Variants in TRIM25 observed in about 807,000 individuals in gnomAD.
The protein encoded by TRIM25 is tripartite motif containing 25, also known as E3 ubiquitin/ISG15 ligase TRIM25.
A neutral mutation model predicts 65.2 loss-of-function variants in TRIM25; 45 were observed. That is an observed-to-expected ratio of 0.69 (90% CI 0.54 to 0.89). TRIM25 has a LOEUF of 0.89. Ranked by LOEUF, TRIM25 falls within the 40% of genes least tolerant of loss-of-function variation. The pLI, the probability that TRIM25 is intolerant of heterozygous loss-of-function variation, is 0.00. For synonymous variants in TRIM25, 321 were observed against 340.4 expected, an observed-to-expected ratio of 0.94 and a Z score of 0.63; for missense variants, 714 against 803.7, an observed-to-expected ratio of 0.89 and a Z score of 1.35.
chr17:56,913,934 G>C lies in TRIM25; in HGVS notation c.55C>G (p.Pro19Ala), dbSNP rs754088845. 2.5e-6 allele frequency: 4 copies of C among 1,585,688 alleles called. No homozygotes were observed. Among genetic ancestry groups the C allele is most frequent in the Non-Finnish European group, 1.7e-6 (2 of 1,166,690 alleles). The change falls in exon 1 of 9, where the codon CCC becomes GCC. Residue 19 changes from proline to alanine, a missense_variant. By Grantham distance (27) the Pro-to-Ala change is conservative (BLOSUM62 -1). This residue lies in a region of TRIM25 where 291 missense variants were observed against 281.8 expected (regional missense o/e 1.03). Coordinates refer to ENST00000316881, the MANE Select transcript of TRIM25 (RefSeq NM_005082.5). This position sits in a 1 kb window ranked among gnomAD's most constrained non-coding sequence, Gnocchi z 6.1. ...EELSCSICLEPFKEPVTTPCG... is the reference protein window; with the variant it reads ...EELSCSICLEAFKEPVTTPCG... ...GGAGTGGTGACCGGCTCCTTGAAGGGCTCCAGGCAGATGGAGCACGACAGC... is the reference window on the plus strand; with the variant it reads ...GGAGTGGTGACCGGCTCCTTGAAGGCCTCCAGGCAGATGGAGCACGACAGC...
intron 3 of TRIM25, among the ~76,000 whole-genome samples, chr17:56,903,714 T>C (rs1463142969): frequency 1.3e-5 from 2 of 152,166 alleles, no homozygotes; most frequent in East Asian, 1.9e-4. Context: ...CTCAAATCAA[T>C]TGATTTTGAG....
intron 5 of TRIM25, among the ~76,000 whole-genome samples, chr17:56,898,330 T>C (rs1476532000): frequency 6.6e-6 from 1 of 152,148 alleles, no homozygotes; most frequent in Non-Finnish European, 1.5e-5. Context: ...TATATGGACA[T>C]CTCAGTGGTA....
chr17:56,891,020 C>T lies in TRIM25; in HGVS notation c.*680G>A, dbSNP rs997701280. Reference sequence around the variant, plus strand: ...GGCTGATTCCAATCATGGTTTGAAGCTTTAGCTGAAAAGTTTGCTGTTTGA... The same window carrying T: ...GGCTGATTCCAATCATGGTTTGAAGTTTTAGCTGAAAAGTTTGCTGTTTGA... On this transcript the variant is annotated 3_prime_UTR_variant, in exon 9 of 9. Transcript: ENST00000316881. The T allele has an allele frequency of 4.8e-6, 2 of 416,252 alleles. No individual in the cohort carries two copies. Among genetic ancestry groups the T allele is most frequent in the African/African-American group, 2.1e-5 (1 of 48,708 alleles). The allele number at this position is 416,252 out of a possible 1,614,324, so 25.8% of individuals were successfully genotyped here.
Position 56,908,535 on chromosome 17 carries a change from A to G in TRIM25, c.626T>C (p.Met209Thr), listed in dbSNP as rs759699144. 15 of 1,613,904 alleles carry G rather than the reference A, an allele frequency of 9.3e-6. No individual in the cohort carries two copies. In the Admixed American group the frequency reaches 1.7e-4, roughly 18 times the overall value. ...EATLRHKLTV[M>T]YSQINGASRA... ...CGACGCCCCGTTGATCTGACTGTACATGACAGTTAGTTTGTGCCTCAGGGT... is the reference window on the plus strand; with the variant it reads ...CGACGCCCCGTTGATCTGACTGTACGTGACAGTTAGTTTGTGCCTCAGGGT... Residue 209 changes from methionine to threonine, a missense_variant, in exon 2 of 9, where the codon ATG becomes ACG. Met to Thr is a moderately conservative substitution (Grantham distance 81). Around this residue, in one of 3 missense-constraint regions of TRIM25, gnomAD observed 291 missense variants for 281.8 expected, o/e 1.03. Transcript: ENST00000316881.
intron 2 of TRIM25, among the ~76,000 whole-genome samples, chr17:56,906,456 CAGTAG>C (rs543880851): frequency 1.2e-4 from 18 of 152,036 alleles, no homozygotes; most frequent in Middle Eastern, 3.4e-3. Flanking sequence ...ACAAGAAGGA[CAGTAG>C]ACTGGAAAAG....
chr17:56,889,406 G>A lies in TRIM25; in HGVS notation c.*2294C>T. On this transcript the variant is annotated 3_prime_UTR_variant, in exon 9 of 9. Transcript: ENST00000316881. ...ATCCTCTACTTTCTCATCATATTCT[G>A]CAAAATGAGAAGTCAGATGGATACA... is the stretch of plus-strand genomic sequence containing the variant. The A allele has an allele frequency of 4.9e-6, 1 of 204,802 alleles. No individual in the cohort carries two copies. The highest frequency in any genetic ancestry group is 9.7e-6 in the Non-Finnish European group (1 of 102,962). The allele number at this position is 204,802 out of a possible 1,614,324, so 12.7% of individuals were successfully genotyped here. A position where few individuals can be genotyped will look rare whatever the true frequency, so the allele number is the denominator to read the frequency against.
Position 56,913,700 on chromosome 17 carries a change from A to G in TRIM25, c.289T>C (p.Ser97Pro). ...ADVWTPPARA[S>P]APSPNAQVAC... ...ACCTGGGCATTCGGGCTGGGTGCAG[A>G]GGCGCGGGCGGGCGGCGTCCAGACG... The change falls in exon 1 of 9, where the codon TCT becomes CCT. Residue 97 changes from serine (S) to proline (P), a missense_variant. Physicochemically the swap from Ser to Pro is moderately conservative, Grantham distance 74. Coordinates refer to ENST00000316881, the MANE Select transcript of TRIM25 (RefSeq NM_005082.5). This position sits in a 1 kb window ranked among gnomAD's most constrained non-coding sequence, Gnocchi z 6.1. 6.3e-7 allele frequency: 1 copy of G among 1,579,908 alleles called. No individual in the cohort carries two copies. Among genetic ancestry groups the G allele is most frequent in the South Asian group, 1.1e-5 (1 of 87,000 alleles).
intron 2 of TRIM25, among the ~76,000 whole-genome samples, chr17:56,906,576 C>T (rs1598078090): frequency 6.6e-6 from 1 of 152,300 alleles, no homozygotes; most frequent in East Asian, 1.9e-4. Flanking sequence ...TCACTGCAAC[C>T]TCTGCCTCCC....
Position 56,892,249 on chromosome 17 carries a change from A to G in TRIM25, c.1364-20T>C, listed in dbSNP as rs764066000. 6.6e-5 allele frequency: 103 copies of G among 1,569,972 alleles called. No individual in the cohort carries two copies. In the Admixed American group the frequency reaches 1.8e-3, roughly 28 times the overall value. ...TGTAATCTGAGAAAACATCACCCCA[A>G]GGAATTAATTACAAGGGGCCCAAAG... On this transcript the variant is annotated intron_variant, in intron 8 of 8. Coordinates refer to ENST00000316881, the MANE Select transcript of TRIM25 (RefSeq NM_005082.5).
Position 56,904,403 on chromosome 17 carries a change from G to C in TRIM25, c.779C>G (p.Thr260Arg). The part of the protein sequence containing the change: ...ALLDASETTS[T>R]RKIKEEEKRV... ...CTTCTCCTCTTCCTTTATCTTCCTT[G>C]TCGAGGTGGTCTCTGAGGCGTCCAA... The change falls in exon 3 of 9, where the codon ACA becomes AGA. Residue 260 changes from threonine to arginine, a missense_variant. By Grantham distance (71) the Thr-to-Arg change is moderately conservative. Around this residue, in one of 3 missense-constraint regions of TRIM25, gnomAD observed 413 missense variants for 498.2 expected, o/e 0.83. Transcript: ENST00000316881. The C allele has an allele frequency of 6.2e-7, 1 of 1,614,014 alleles. No homozygotes were observed. The highest frequency in any genetic ancestry group is 8.5e-7 in the Non-Finnish European group (1 of 1,180,024).
intron 1 of TRIM25, chr17:56,912,056 G>C (rs1206713000): frequency 3.3e-5 from 5 of 152,102 alleles, no homozygotes; most frequent in South Asian, 2.1e-4. Flanking sequence ...GAAAAAAAAA[G>C]CCAAGTTTAT....
At position 56,888,931 on chromosome 17, in the gene TRIM25, C is replaced by T. The variant is rs184745683; in HGVS notation, c.*2769G>A. The T allele has an allele frequency of 8.5e-5, 13 of 152,260 alleles. No individual in the cohort carries two copies. The East Asian group carries it at 1.5e-3, about 18-fold the overall frequency. The allele number at this position is 152,260 out of a possible 1,614,324, so 9.4% of individuals were successfully genotyped here. A position where few individuals can be genotyped will look rare whatever the true frequency, so the allele number is the denominator to read the frequency against. ...TACAATGCAGGAGAACGCCAAACAC[C>T]GCTTTATTGCATTCAAACCTTCTAA... is the stretch of plus-strand genomic sequence containing the variant. On this transcript the variant is annotated 3_prime_UTR_variant, in exon 9 of 9. Coordinates refer to ENST00000316881, the MANE Select transcript of TRIM25 (RefSeq NM_005082.5).
intron 2 of TRIM25, among the ~76,000 whole-genome samples, chr17:56,906,829 G>A (rs749396583): frequency 6.6e-6 from 1 of 152,174 alleles, no homozygotes; most frequent in African/African-American, 2.4e-5. Context: ...AACTTCTAAT[G>A]TGACTACAAG....
chr17:56,906,562 C>T lies in TRIM25; in HGVS notation c.693+1906G>A, dbSNP rs990410776. The stretch of plus-strand genomic sequence containing the variant: ...AGGCTGAAGTGCAATGACATGACCT[C>T]GGCTCACTGCAACCTCTGCCTCCCG... On this transcript the variant is annotated intron_variant, in intron 2 of 8. Transcript: ENST00000316881. Among the ~76,000 whole-genome samples the T allele has an allele frequency of 1.1e-4, 17 of 151,940 alleles. 1 individual carries two copies. Among genetic ancestry groups the T allele is most frequent in the Admixed American group, 9.2e-4 (14 of 15,244 alleles).
rs1298881951 is a variant in TRIM25 at position 56,888,282 on chromosome 17, G to A, written c.*3418C>T. On this transcript the variant is annotated 3_prime_UTR_variant, in exon 9 of 9. Transcript: ENST00000316881. The stretch of plus-strand genomic sequence containing the variant: ...ATCCCACCTTTTAGCATAAGCTCAG[G>A]TGTGATCCCATGGCCTCACAAATAA... 1 of 152,202 alleles carries A rather than the reference G, an allele frequency of 6.6e-6. No individual in the cohort carries two copies. Among genetic ancestry groups the A allele is most frequent in the Admixed American group, 6.5e-5 (1 of 15,274 alleles). The allele number at this position is 152,202 out of a possible 1,614,324, so 9.4% of individuals were successfully genotyped here.
chr17:56,891,872 G>T lies in TRIM25; in HGVS notation c.1721C>A (p.Ala574Asp). ...NVEKTLPSTK[A>D]TRVGVLLNCD... ...GTTGAGAAGCACGCCCACCCGCGTG[G>T]CCTTGGTGGAGGGCAGGGTTTTCTC... Residue 574 changes from alanine (A) to aspartate (D), a missense_variant, in exon 9 of 9, where the codon GCC becomes GAC. Physicochemically the swap from Ala to Asp is moderately radical, Grantham distance 126. This residue lies in a region of TRIM25 where 413 missense variants were observed against 498.2 expected (regional missense o/e 0.83). Transcript: ENST00000316881. The T allele has an allele frequency of 6.2e-7, 1 of 1,614,242 alleles. No homozygotes were observed. The highest frequency in any genetic ancestry group is 8.5e-7 in the Non-Finnish European group (1 of 1,180,046).
At chr17:56,903,400 A>C (rs912224121) in intron 3 of TRIM25, among the ~76,000 whole-genome samples, 2 of 152,250 alleles carry the variant, frequency 1.3e-5, no homozygotes, top group African/African-American at 2.4e-5. Flanking sequence ...CTCCATCTCA[A>C]AATAAATACA....
chr17:56,913,666 T>C lies in TRIM25; in HGVS notation c.323A>G (p.Asp108Gly). 1 of 1,594,996 alleles carries C rather than the reference T, an allele frequency of 6.3e-7. No homozygotes were observed. Among genetic ancestry groups the C allele is most frequent in the Non-Finnish European group, 8.5e-7 (1 of 1,169,628 alleles). The change falls in exon 1 of 9, where the codon GAC becomes GGC. Residue 108 changes from aspartate (D) to glycine (G), a missense_variant. Asp to Gly is a moderately conservative substitution (Grantham distance 94, BLOSUM62 -1). Transcript: ENST00000316881. The surrounding 1 kb of genome is among the most constrained non-coding windows in gnomAD (Gnocchi z 6.1). ...APSPNAQVAC[D>G]HCLKEAAVKT... Reference sequence around the variant, plus strand: ...CACGGCGGCCTCCTTCAGGCAGTGGTCGCAGGCCACCTGGGCATTCGGGCT... The same window carrying C: ...CACGGCGGCCTCCTTCAGGCAGTGGCCGCAGGCCACCTGGGCATTCGGGCT...
chr17:56,911,899 AG>A (rs1827109498), intron 1 of TRIM25, among the ~76,000 whole-genome samples: 1 of 151,578 alleles, frequency 6.6e-6, no homozygotes, highest in South Asian at 2.1e-4. Context: ...CTCTAAAAGA[AG>A]AAAAAAAAAA....
Sources: allele counts gnomAD v4.1 joint callset (sites outside exome capture counted in the v4.1 genomes callset), GRCh38; gene constraint gnomAD v4.1.1; regional missense constraint gnomAD v4.1.1; non-coding constraint Gnocchi (gnomAD v3.1); transcripts MANE v1.5; gene names NCBI Gene and HGNC (gene_info 2026-07-23, HGNC 2026-07-21).